Variants in FAM161A observed in about 807,000 individuals in gnomAD.
FAM161A encodes the protein protein FAM161A.
In FAM161A, 57 loss-of-function variants were observed where a neutral mutation model predicts 70.9. The observed-to-expected ratio is 0.80, with a 90% CI of 0.65 to 1.00. The LOEUF (loss-of-function observed/expected upper bound fraction) is 1.00. Ranked by LOEUF, FAM161A falls within the 50% of genes least tolerant of loss-of-function variation. The pLI is 0.00. For synonymous variants in FAM161A, 299 were observed against 295.7 expected (o/e 1.01, Z -0.12); for missense variants, 880 against 836.0 (o/e 1.05, Z -0.65).
Position 61,826,322 on chromosome 2 carries a change from G to A in FAM161A, c.*133C>T, listed in dbSNP as rs977372769. 15 of 951,972 alleles carry A rather than the reference G, an allele frequency of 1.6e-5. No homozygotes were observed. The South Asian group carries it at 2.0e-4, about 12-fold the overall frequency. 59.0% of individuals were successfully genotyped at this position (951,972 alleles called of 1,614,324 possible). A position where few individuals can be genotyped will look rare whatever the true frequency, so the allele number is the denominator to read the frequency against. ...AATCAGCTGGATTCAGGCTTTTCAGGCTACAGATGACTTTGATCAACAGCC... is the reference window on the plus strand; with the variant it reads ...AATCAGCTGGATTCAGGCTTTTCAGACTACAGATGACTTTGATCAACAGCC... On this transcript the variant is annotated 3_prime_UTR_variant, in exon 7 of 7. Transcript: ENST00000404929.
At chr2:61,831,857 C>G (rs972337844) in intron 5 of FAM161A, among the ~76,000 whole-genome samples, 3 of 152,006 alleles carry the variant, frequency 2.0e-5, no homozygotes, top group Non-Finnish European at 4.4e-5. Flanking sequence ...CAAAGATAAT[C>G]TGAGGAAAGC....
chr2:61,821,061 T>C (rs565983430), downstream of FAM161A, among the ~76,000 whole-genome samples: 3 of 152,130 alleles, frequency 2.0e-5, no homozygotes, highest in African/African-American at 7.2e-5. Context: ...TTTTCTTTTT[T>C]TTTTTTTCTT....
chr2:61,842,026 T>C, intron 2 of FAM161A, 96 bp downstream of exon 2: 1 of 833,780 alleles, frequency 1.2e-6, no homozygotes, highest in Admixed American at 1.7e-5. Context: ...TACAAAGGGC[T>C]ATTTAAGAGA....
the FAM161A span, among the ~76,000 whole-genome samples, chr2:61,807,947 C>T: frequency 1.3e-5 from 2 of 152,114 alleles, no homozygotes; most frequent in Admixed American, 6.5e-5. Context: ...AGCCAGACTC[C>T]ATTTTTTGCC....
intron 5 of FAM161A, among the ~76,000 whole-genome samples, chr2:61,830,361 G>A (rs905649123): frequency 6.6e-6 from 1 of 151,974 alleles, no homozygotes; most frequent in East Asian, 1.9e-4. Context: ...TGAATGGGGA[G>A]GAACTGGGTA....
Position 61,825,698 on chromosome 2 carries a change from C to G in FAM161A, c.*757G>C, listed in dbSNP as rs560037933. 1.2e-5 allele frequency: 5 copies of G among 416,540 alleles called. No homozygotes were observed. Among genetic ancestry groups the G allele is most frequent in the Non-Finnish European group, 1.9e-5 (4 of 215,236 alleles). The allele number at this position is 416,540 out of a possible 1,614,324, so 25.8% of individuals were successfully genotyped here. ...TGTTGCCCAAGCTGGAGTGCAGTGGCGCGATCTCGGCTCACTGCAAGCTCT... is the reference window on the plus strand; with the variant it reads ...TGTTGCCCAAGCTGGAGTGCAGTGGGGCGATCTCGGCTCACTGCAAGCTCT... On this transcript the variant is annotated 3_prime_UTR_variant, in exon 7 of 7. Coordinates refer to ENST00000404929, the MANE Select transcript of FAM161A (RefSeq NM_001201543.2).
rs536995908 is a variant in FAM161A, at chr2:61,827,707, A to T, written c.1852-449T>A. On this transcript the variant is annotated intron_variant, in intron 5 of 6. Coordinates refer to ENST00000404929, the MANE Select transcript of FAM161A (RefSeq NM_001201543.2). Reference sequence around the variant, plus strand: ...AAATCTGCATACCCTATGACCAACAATTACACTCCTAGGAATATAACCAGA... The same window carrying T: ...AAATCTGCATACCCTATGACCAACATTTACACTCCTAGGAATATAACCAGA... Among the ~76,000 whole-genome samples the T allele has an allele frequency of 5.1e-4, 77 of 152,236 alleles. 1 individual carries two copies. Among genetic ancestry groups the T allele is most frequent in the African/African-American group, 1.5e-3 (61 of 41,546 alleles).
At position 61,825,738 on chromosome 2, in the gene FAM161A, T is replaced by A. The variant is rs368914904; in HGVS notation, c.*717A>T. 45 of 413,210 alleles carry A rather than the reference T, an allele frequency of 1.1e-4. No homozygotes were observed. In the East Asian group the frequency reaches 2.5e-3, roughly 23 times the overall value. 25.6% of individuals were successfully genotyped at this position (413,210 alleles called of 1,614,324 possible). On this transcript the variant is annotated 3_prime_UTR_variant, in exon 7 of 7. Transcript: ENST00000404929. ...CTGCAAGCTCTGCCTCCTGGGTTCA[T>A]GCCATTCTCCTGCCTCTGCCTCCCA...
Position 61,827,217 on chromosome 2 carries a change from G to A in FAM161A, c.1893C>T (p.Thr631=), listed in dbSNP as rs758821386. The change falls in exon 6 of 7, where the codon ACC becomes ACT. Residue 631 remains threonine, a synonymous_variant. Coordinates refer to ENST00000404929, the MANE Select transcript of FAM161A (RefSeq NM_001201543.2). ...RMAAEKHYSN[T]LKALGISDEF... The stretch of plus-strand genomic sequence containing the variant: ...CATCAGATATTCCTAGTGCTTTTAG[G>A]GTATTAGAATAATGCTTTTCTGCTG... 6.1e-5 allele frequency: 98 copies of A among 1,613,488 alleles called. No homozygotes were observed. The highest frequency in any genetic ancestry group is 3.3e-4 in the Middle Eastern group (2 of 6,084).
chr2:61,815,409 A>G, the FAM161A span, among the ~76,000 whole-genome samples: 35 of 152,104 alleles, frequency 2.3e-4, no homozygotes, highest in Non-Finnish European at 4.4e-4. Context: ...ACTCGTGACT[A>G]ATGTCCTGAT....
At chr2:61,838,746 T>A in intron 3 of FAM161A, 41 bp from the exon 4 acceptor site, 3 of 1,408,454 alleles carry the variant, frequency 2.1e-6, no homozygotes, top group Non-Finnish European at 1.9e-6. Flanking sequence ...TTTAAGCCAA[T>A]CAGAATGTTG....
chr2:61,844,130 G>A (rs1053717539), intron 1 of FAM161A, among the ~76,000 whole-genome samples: 13 of 151,868 alleles, frequency 8.6e-5, no homozygotes, highest in Non-Finnish European at 1.6e-4. Context: ...GCGACAGAGC[G>A]AGACTCTGTC....
chr2:61,830,467 G>A (rs1014670739), intron 5 of FAM161A, among the ~76,000 whole-genome samples: 1 of 151,946 alleles, frequency 6.6e-6, no homozygotes, highest in Non-Finnish European at 1.5e-5. Flanking sequence ...GATCACTTGA[G>A]GTCAGGAGTT....
chr2:61,823,352 A>C (rs1672248939), downstream of FAM161A, among the ~76,000 whole-genome samples: 5 of 70,174 alleles, frequency 7.1e-5, 1 homozygote, highest in Admixed American at 9.6e-4. Flanking sequence ...AAAAATGCTA[A>C]ATTTTCCATC....
the FAM161A span, among the ~76,000 whole-genome samples, chr2:61,810,982 C>A: frequency 6.6e-6 from 1 of 152,298 alleles, no homozygotes; most frequent in South Asian, 2.1e-4. Context: ...AAACCCATTT[C>A]TTCCCCAATT....
chr2:61,835,973 A>G, intron 5 of FAM161A, 37 bp downstream of exon 5: 1 of 1,450,988 alleles, frequency 6.9e-7, no homozygotes, highest in Non-Finnish European at 9.6e-7. Flanking sequence ...AAAAAAAAAA[A>G]AACTGACGAT....
At chr2:61,801,052 C>T in the FAM161A span, among the ~76,000 whole-genome samples, 1 of 151,984 alleles carries the variant, frequency 6.6e-6, no homozygotes, top group Admixed American at 6.6e-5. Flanking sequence ...GTCTCAGCCT[C>T]CCAAAGTGCT....
chr2:61,824,462 A>C (rs1269298992), downstream of FAM161A, among the ~76,000 whole-genome samples: 2 of 152,170 alleles, frequency 1.3e-5, no homozygotes, highest in Non-Finnish European at 2.9e-5. Flanking sequence ...TTTAAGTACA[A>C]GTATTTTAAG....
At chr2:61,807,895 C>T in the FAM161A span, among the ~76,000 whole-genome samples, 3 of 152,186 alleles carry the variant, frequency 2.0e-5, no homozygotes, top group African/African-American at 7.2e-5. Context: ...CCTGCCTTGG[C>T]CTCCCAAAGT....
Sources: allele counts gnomAD v4.1 joint callset (sites outside exome capture counted in the v4.1 genomes callset), GRCh38; gene constraint gnomAD v4.1.1; transcripts MANE v1.5; gene names NCBI Gene and HGNC (gene_info 2026-07-23, HGNC 2026-07-21).